The following IFNL1 variants were observed in gnomAD, a reference collection of about 807,000 sequenced individuals.
IFNL1 encodes the protein interferon lambda-1.
A neutral mutation model predicts 17.1 loss-of-function variants in IFNL1; 16 were observed. The ratio of observed to expected loss-of-function variants is 0.93; its 90% CI spans 0.63 to 1.42. The LOEUF is 1.42. Ranked by LOEUF, IFNL1 falls within the 40% of genes most tolerant of loss-of-function variation. The probability of loss-of-function intolerance (pLI) is 0.00; values close to 1 mark genes in which losing one functional copy is unlikely to be tolerated. For missense variants in IFNL1, 262 were observed against 249.4 expected, an observed-to-expected ratio of 1.05 and a Z score of -0.34; for synonymous variants, 104 against 111.4, an observed-to-expected ratio of 0.93 and a Z score of 0.42.
rs1018522861 is a variant in IFNL1 at position 39,296,535 on chromosome 19, G to T, written c.114G>T (p.Arg38Ser). 1.2e-6 allele frequency: 2 copies of T among 1,613,856 alleles called. No individual in the cohort carries two copies. The highest frequency in any genetic ancestry group is 2.7e-5 in the African/African-American group (2 of 74,928). The change falls in exon 1 of 5, where the codon AGG becomes AGT. Residue 38 changes from arginine (R) to serine (S), a missense_variant. By Grantham distance (110) the Arg-to-Ser change is moderately radical (BLOSUM62 -1). Transcript: ENST00000333625. ...TTTGKGCHIG[R>S]FKSLSPQELA... ...CTGGGAAGGGCTGCCACATTGGCAGGTTCAAATCTCTGTCACCACAGGAGC... is the reference window on the plus strand; with the variant it reads ...CTGGGAAGGGCTGCCACATTGGCAGTTTCAAATCTCTGTCACCACAGGAGC...
chr19:39,296,769 T>A (rs770761062), intron 1 of IFNL1, 36 bp from the exon 2 acceptor site: 2 of 1,587,460 alleles, frequency 1.3e-6, no homozygotes, highest in South Asian at 2.2e-5. Context: ...CTTCCAGCCA[T>A]CCTGCTGTGG....
Position 39,296,609 on chromosome 19 carries a change from G to A in IFNL1, c.171+17G>A. 6.2e-7 allele frequency: 1 copy of A among 1,604,904 alleles called. No individual in the cohort carries two copies. Among genetic ancestry groups the A allele is most frequent in the Non-Finnish European group, 8.5e-7 (1 of 1,175,738 alleles). ...GACGCCTTGGTGAGTTCCTGTTGCTGTGGATGAACCACTTCTACGGGTGTC... is the reference window on the plus strand; with the variant it reads ...GACGCCTTGGTGAGTTCCTGTTGCTATGGATGAACCACTTCTACGGGTGTC... On this transcript the variant is annotated intron_variant, in intron 1 of 4. Coordinates refer to ENST00000333625, the MANE Select transcript of IFNL1 (RefSeq NM_172140.2).
chr19:39,297,003 T>C (rs1476678362), intron 2 of IFNL1, 121 bp downstream of exon 2: 1 of 698,272 alleles, frequency 1.4e-6, no homozygotes, highest in Non-Finnish European at 2.5e-6. Flanking sequence ...TCCTCACCTG[T>C]CCTGTGCCCC....
At position 39,297,688 on chromosome 19, in the gene IFNL1, C is replaced by T. The variant is rs370598138; in HGVS notation, c.250-276C>T. 9.9e-5 allele frequency among the ~76,000 whole-genome samples: 15 copies of T among 151,958 alleles called. No homozygotes were observed. In the East Asian group the frequency reaches 1.4e-3, roughly 14 times the overall value. Reference sequence around the variant, plus strand: ...GCCCCCAACCTGCTTTCTCCTCACCCGTCCCCACCCCGCCCCAGAGAACTT... The same window carrying T: ...GCCCCCAACCTGCTTTCTCCTCACCTGTCCCCACCCCGCCCCAGAGAACTT... On this transcript the variant is annotated intron_variant, in intron 2 of 4. Coordinates refer to ENST00000333625, the MANE Select transcript of IFNL1 (RefSeq NM_172140.2).
In IFNL1 at chr19:39,297,996, G is replaced by A. The variant is rs779873519; in HGVS notation, c.282G>A (p.Glu94=). 1 of 1,614,158 alleles carries A rather than the reference G, an allele frequency of 6.2e-7. No individual in the cohort carries two copies. The highest frequency in any genetic ancestry group is 1.1e-5 in the South Asian group (1 of 91,092). The change falls in exon 3 of 5, where the codon GAG becomes GAA. Residue 94 remains glutamate (E), a synonymous_variant. Transcript: ENST00000333625. ...AGCGCCCTGTGGCCTTGGAGGCTGA[G>A]CTGGCCCTGACGCTGAAGGTCCTGG... The part of the protein sequence containing the change: ...VRERPVALEA[E]LALTLKVLEA...
Position 39,298,356 on chromosome 19 carries a change from G to A in IFNL1, c.478-35G>A, listed in dbSNP as rs749996227. 20 of 1,613,948 alleles carry A rather than the reference G, an allele frequency of 1.2e-5. No individual in the cohort carries two copies. The South Asian group carries it at 2.0e-4, about 16-fold the overall frequency. The stretch of plus-strand genomic sequence containing the variant: ...GGGAGCCAATAGGAGCCCAGACCCT[G>A]GACAGCCCCTGACCCATCCCCTCCT... On this transcript the variant is annotated intron_variant, in intron 4 of 4. Coordinates refer to ENST00000333625, the MANE Select transcript of IFNL1 (RefSeq NM_172140.2).
rs763538271 is a variant in IFNL1 at position 39,296,816 on chromosome 19, C to G, written c.183C>G (p.Leu61=). The change falls in exon 2 of 5, where the codon CTC becomes CTG. Residue 61 remains leucine, a synonymous_variant. Coordinates refer to ENST00000333625, the MANE Select transcript of IFNL1 (RefSeq NM_172140.2). ...KKARDALEES[L]KLKNWSCSSP... ...CCCTTGCTCTCTAGGAAGAGTCACTCAAGCTGAAAAACTGGAGTTGCAGCT... is the reference window on the plus strand; with the variant it reads ...CCCTTGCTCTCTAGGAAGAGTCACTGAAGCTGAAAAACTGGAGTTGCAGCT... The G allele has an allele frequency of 1.3e-5, 21 of 1,613,798 alleles. No homozygotes were observed. The highest frequency in any genetic ancestry group is 1.7e-5 in the Non-Finnish European group (20 of 1,179,816).
rs765585379 is a variant in IFNL1, at chr19:39,296,842, C to T, written c.209C>T (p.Ser70Phe). 6.8e-6 allele frequency: 11 copies of T among 1,614,178 alleles called. No individual in the cohort carries two copies. The highest frequency in any genetic ancestry group is 2.2e-5 in the East Asian group (1 of 44,882). Residue 70 changes from serine (S) to phenylalanine (F), a missense_variant, in exon 2 of 5, where the codon TCT becomes TTT. By Grantham distance (155) the Ser-to-Phe change is radical. Transcript: ENST00000333625. ...SLKLKNWSCSSPVFPGNWDLR... is the reference protein window; with the variant it reads ...SLKLKNWSCSFPVFPGNWDLR... ...AAGCTGAAAAACTGGAGTTGCAGCT[C>T]TCCTGTCTTCCCCGGGAATTGGGAC...
In IFNL1 at chr19:39,296,409, T is replaced by G; in HGVS notation, c.-13T>G. The G allele has an allele frequency of 4.4e-6, 7 of 1,605,990 alleles. No homozygotes were observed. Among genetic ancestry groups the G allele is most frequent in the Non-Finnish European group, 5.9e-6 (7 of 1,178,604 alleles). On this transcript the variant is annotated 5_prime_UTR_variant, in exon 1 of 5. Coordinates refer to ENST00000333625, the MANE Select transcript of IFNL1 (RefSeq NM_172140.2). ...CAGAGCCATGCCGCTGGGGAAGCAG[T>G]TGCGATTTAGCCATGGCTGCAGCTT... is the stretch of plus-strand genomic sequence containing the variant.
At chr19:39,297,162 G>A (rs970894638) in intron 2 of IFNL1, among the ~76,000 whole-genome samples, 3 of 151,320 alleles carry the variant, frequency 2.0e-5, no homozygotes, top group Non-Finnish European at 4.4e-5. Context: ...CCAGTCTGTC[G>A]CCCACCTGTG....
intron 1 of IFNL1, 27 bp downstream of exon 1, chr19:39,296,619 C>A: frequency 1.3e-6 from 2 of 1,599,298 alleles, no homozygotes; most frequent in South Asian, 1.1e-5. Flanking sequence ...GTGGATGAAC[C>A]ACTTCTACGG....
Position 39,296,436 on chromosome 19 carries a change from G to A in IFNL1, c.15G>A (p.Trp5Ter), listed in dbSNP as rs147273102. Residue 5 changes from tryptophan (W) to a stop codon, truncating the protein, a stop_gained, in exon 1 of 5, where the codon TGG (tryptophan) becomes TGA (stop). Coordinates refer to ENST00000333625, the MANE Select transcript of IFNL1 (RefSeq NM_172140.2). LOFTEE classifies it high-confidence loss of function. MAAA[W>*]TVVLVTLVLG... is the part of the protein sequence containing the mutation. The stretch of plus-strand genomic sequence containing the variant: ...GCGATTTAGCCATGGCTGCAGCTTG[G>A]ACCGTGGTGCTGGTGACTTTGGTGC... The A allele has an allele frequency of 1.1e-5, 17 of 1,610,942 alleles. No individual in the cohort carries two copies. The highest frequency in any genetic ancestry group is 1.4e-5 in the Non-Finnish European group (17 of 1,179,694).
intron 2 of IFNL1, among the ~76,000 whole-genome samples, chr19:39,297,216 A>AC (rs2075101988): frequency 7.5e-6 from 1 of 133,658 alleles, no homozygotes; most frequent in African/African-American, 2.9e-5. Context: ...CCCAACACTG[A>AC]CCCCCTCTCC....
At position 39,296,560 on chromosome 19, in the gene IFNL1, C is replaced by G. The variant is rs770579084; in HGVS notation, c.139C>G (p.Leu47Val). The G allele has an allele frequency of 1.6e-5, 26 of 1,612,844 alleles. No individual in the cohort carries two copies. The highest frequency in any genetic ancestry group is 2.2e-5 in the Non-Finnish European group (26 of 1,179,684). ...GRFKSLSPQE[L>V]ASFKKARDAL... ...GTTCAAATCTCTGTCACCACAGGAG[C>G]TAGCGAGCTTCAAGAAGGCCAGGGA... Residue 47 changes from leucine to valine, a missense_variant, in exon 1 of 5, where the codon CTA (leucine) becomes GTA (valine). By Grantham distance (32) the Leu-to-Val change is conservative. Transcript: ENST00000333625.
chr19:39,297,841 C>A (rs1356969150), intron 2 of IFNL1, 123 bp from the exon 3 acceptor site: 1 of 1,221,206 alleles, frequency 8.2e-7, no homozygotes, highest in Non-Finnish European at 1.2e-6. Flanking sequence ...TCTCCCCAGA[C>A]CCCTCACCTG....
rs1330210128 is a variant in IFNL1, at chr19:39,298,465, G to A, written c.552G>A (p.Val184=). The A allele has an allele frequency of 1.2e-6, 2 of 1,614,110 alleles. No individual in the cohort carries two copies. The highest frequency in any genetic ancestry group is 2.2e-5 in the South Asian group (2 of 91,070). The change falls in exon 5 of 5, where the codon GTG becomes GTA. Residue 184 remains valine (V), a synonymous_variant. Coordinates refer to ENST00000333625, the MANE Select transcript of IFNL1 (RefSeq NM_172140.2). ...TCCTCACGCGAGACCTCAAATATGT[G>A]GCCGATGGGAACCTGTGTCTGAGAA... is the stretch of plus-strand genomic sequence containing the variant. ...FRLLTRDLKY[V]ADGNLCLRTS...
rs2075108261 is a variant in IFNL1 at position 39,298,577 on chromosome 19, CTTTA to C, written c.*67_*70del. 1.3e-6 allele frequency: 2 copies of C among 1,590,592 alleles called. No individual in the cohort carries two copies. Among genetic ancestry groups the C allele is most frequent in the Non-Finnish European group, 1.7e-6 (2 of 1,163,290 alleles). Reference sequence around the variant, plus strand: ...CTTCCTTAATTTATTTCCTCTCACCCTTTATTTATGAAGCTGCAGCCCTGACTGA... The same window carrying C: ...CTTCCTTAATTTATTTCCTCTCACCCTTTATGAAGCTGCAGCCCTGACTGA... On this transcript the variant is annotated 3_prime_UTR_variant, in exon 5 of 5. Transcript: ENST00000333625.
chr19:39,297,373 C>T (rs1259800575), intron 2 of IFNL1, among the ~76,000 whole-genome samples: 1 of 134,950 alleles, frequency 7.4e-6, no homozygotes, highest in Admixed American at 8.6e-5. Flanking sequence ...GGCTGGAGTG[C>T]AGTGGCATGA....
chr19:39,296,580 C>T lies in IFNL1; in HGVS notation c.159C>T (p.Ala53=), dbSNP rs764789373. Residue 53 remains alanine, a synonymous_variant, in exon 1 of 5, where the codon GCC becomes GCT. Coordinates refer to ENST00000333625, the MANE Select transcript of IFNL1 (RefSeq NM_172140.2). Reference sequence around the variant, plus strand: ...AGGAGCTAGCGAGCTTCAAGAAGGCCAGGGACGCCTTGGTGAGTTCCTGTT... The same window carrying T: ...AGGAGCTAGCGAGCTTCAAGAAGGCTAGGGACGCCTTGGTGAGTTCCTGTT... ...SPQELASFKK[A]RDALEESLKL... 1 of 1,611,138 alleles carries T rather than the reference C, an allele frequency of 6.2e-7. No homozygotes were observed.
Sources: gnomAD v4.1 joint callset for allele counts (sites outside exome capture counted in the v4.1 genomes callset) on GRCh38, gnomAD v4.1.1 for gene constraint, MANE v1.5 for transcripts, NCBI Gene and HGNC (gene_info 2026-07-23, HGNC 2026-07-21) for gene names.